NCKAP5: variants seen among roughly 807,000 people sequenced by gnomAD.
The protein encoded by NCKAP5 is NCK associated protein 5.
Under a neutral mutation model 167.0 loss-of-function variants are expected in NCKAP5, and 92 were observed. The ratio of observed to expected loss-of-function variants is 0.55; its 90% CI spans 0.47 to 0.66. The LOEUF is 0.66. Among genes scored for constraint, NCKAP5 ranks in the 30% least tolerant of loss-of-function variants. The pLI, the probability that NCKAP5 is intolerant of heterozygous loss-of-function variation, is 0.00. For missense variants in NCKAP5, 2,378 were observed against 2,315.0 expected, an observed-to-expected ratio of 1.03 and a Z score of -0.56; for synonymous variants, 891 against 877.4, an observed-to-expected ratio of 1.02 and a Z score of -0.27.
chr2:133,068,824 T>C (rs997872693), intron 6 of NCKAP5, among the ~76,000 whole-genome samples: 3 of 152,194 alleles, frequency 2.0e-5, no homozygotes, highest in African/African-American at 7.2e-5. Context: ...AGAATATATA[T>C]AGCCAGGAAA....
chr2:132,752,777 A>G (rs995691085), intron 16 of NCKAP5, among the ~76,000 whole-genome samples: 2 of 152,216 alleles, frequency 1.3e-5, no homozygotes, highest in Non-Finnish European at 2.9e-5. Flanking sequence ...CAAGATCTTC[A>G]GGGTAAGCCA....
intron 10 of NCKAP5, among the ~76,000 whole-genome samples, chr2:132,865,368 A>G (rs556301798): frequency 6.6e-6 from 1 of 152,280 alleles, no homozygotes; most frequent in Admixed American, 6.5e-5. Context: ...CAGTCACTTG[A>G]GCCCATTACC....
intron 3 of NCKAP5, among the ~76,000 whole-genome samples, chr2:133,480,297 G>A (rs1387496225): frequency 2.0e-5 from 3 of 151,976 alleles, no homozygotes; most frequent in Non-Finnish European, 2.9e-5. Context: ...AGACTGAGTG[G>A]ATATGAGTAC....
chr2:133,287,050 T>C (rs566927155), intron 4 of NCKAP5, among the ~76,000 whole-genome samples: 33 of 152,340 alleles, frequency 2.2e-4, no homozygotes, highest in Non-Finnish European at 3.8e-4. Context: ...GAACTCACTA[T>C]CTCAAGAATA....
chr2:132,734,058 C>T (rs1005137007), intron 16 of NCKAP5, among the ~76,000 whole-genome samples: 7 of 152,214 alleles, frequency 4.6e-5, no homozygotes, highest in African/African-American at 1.7e-4. Context: ...AAGTGCTTTT[C>T]TTTCCCAGGA....
chr2:133,492,191 A>G (rs1681524296), intron 3 of NCKAP5, among the ~76,000 whole-genome samples: 1 of 99,010 alleles, frequency 1.0e-5, no homozygotes, highest in African/African-American at 3.8e-5. Context: ...CTTGTCACCA[A>G]AGAAGCTCCC....
the NCKAP5 span, among the ~76,000 whole-genome samples, chr2:133,643,073 T>C: frequency 6.6e-6 from 1 of 152,216 alleles, no homozygotes; most frequent in Non-Finnish European, 1.5e-5. Flanking sequence ...AAGGAATTTA[T>C]TTTGTTGAAA....
rs1559371090 is a variant in NCKAP5, at chr2:133,308,686, A to AT, written c.70-5577dup. On this transcript the variant is annotated intron_variant, in intron 3 of 19. Transcript: ENST00000409261. ...TGCTTTTTTCGTTTGAAGAAATACA[A>AT]TTCTTTTTTTTTTTTTTTTTTTTTT... Among the ~76,000 whole-genome samples, 95 of 118,788 alleles carry AT rather than the reference A, an allele frequency of 8.0e-4. 2 individuals are homozygous for AT. The highest frequency in any genetic ancestry group is 2.9e-3 in the African/African-American group (93 of 32,284). The allele number at this position is 118,788 out of a possible 152,430, so 77.9% of individuals were successfully genotyped here.
chr2:132,953,653 A>G (rs1420044728), intron 8 of NCKAP5, among the ~76,000 whole-genome samples: 1 of 147,872 alleles, frequency 6.8e-6, no homozygotes, highest in East Asian at 1.9e-4. Flanking sequence ...ACAGGCAGAC[A>G]GAGAGAGAGA....
chr2:133,099,661 T>C (rs1475871590), intron 6 of NCKAP5, among the ~76,000 whole-genome samples: 2 of 152,148 alleles, frequency 1.3e-5, no homozygotes, highest in Admixed American at 1.3e-4. Flanking sequence ...TAGTACTATA[T>C]TCTCAAAAAA....
chr2:132,782,955 G>T lies in NCKAP5; in HGVS notation c.3856C>A (p.Pro1286Thr), dbSNP rs750398056. The T allele has an allele frequency of 2.5e-6, 4 of 1,614,006 alleles. No individual in the cohort carries two copies. Among genetic ancestry groups the T allele is most frequent in the Non-Finnish European group, 3.4e-6 (4 of 1,179,882 alleles). Residue 1286 changes from proline to threonine, a missense_variant, in exon 14 of 20, where the codon CCT (proline) becomes ACT (threonine). This residue lies in a region of NCKAP5 where 1,325 missense variants were observed against 1,274.5 expected (regional missense o/e 1.04). Transcript: ENST00000409261. ...HSFSTHSGDKPSTPPIEGSGK... is the reference protein window; with the variant it reads ...HSFSTHSGDKTSTPPIEGSGK... ...GACCCTTCGATGGGGGGCGTAGAAG[G>T]CTTGTCTCCTGAGTGTGTACTGAAG... is the stretch of plus-strand genomic sequence containing the variant.
Position 132,820,386 on chromosome 2 carries a change from C to A in NCKAP5, c.808-23657G>T, listed in dbSNP as rs550068877. On this transcript the variant is annotated intron_variant, in intron 11 of 19. Transcript: ENST00000409261. Reference sequence around the variant, plus strand: ...CTGGGACTACAGGTGCCCGCCACCACGCCCAGCTAATTTTTGTATTTTTAG... The same window carrying A: ...CTGGGACTACAGGTGCCCGCCACCAAGCCCAGCTAATTTTTGTATTTTTAG... 1.2e-4 allele frequency among the ~76,000 whole-genome samples: 18 copies of A among 151,900 alleles called. No individual in the cohort carries two copies. In the South Asian group the frequency reaches 3.8e-3, roughly 32 times the overall value.
At chr2:133,572,388 T>C (rs1205579356), upstream of NCKAP5, among the ~76,000 whole-genome samples, 1 of 152,162 alleles carries the variant, frequency 6.6e-6, no homozygotes, top group African/African-American at 2.4e-5. Context: ...GCCCCTCTGC[T>C]TAGCTCTTCC....
At chr2:132,692,856 A>G (rs1345784298) in intron 19 of NCKAP5, among the ~76,000 whole-genome samples, 1 of 152,200 alleles carries the variant, frequency 6.6e-6, no homozygotes, top group Non-Finnish European at 1.5e-5. Flanking sequence ...CATCTCTGCT[A>G]TCTTTCTTTC....
At chr2:133,262,922 C>A (rs886309636) in intron 4 of NCKAP5, among the ~76,000 whole-genome samples, 3 of 152,108 alleles carry the variant, frequency 2.0e-5, no homozygotes, top group African/African-American at 7.2e-5. Flanking sequence ...CCCCTGAGCC[C>A]GGATGATGTT....
At chr2:132,884,590 A>G (rs1300460371) in intron 8 of NCKAP5, among the ~76,000 whole-genome samples, 1 of 152,216 alleles carries the variant, frequency 6.6e-6, no homozygotes, top group Non-Finnish European at 1.5e-5. Flanking sequence ...TTTCCAGTTC[A>G]AATATTTGGA....
rs181338216 is a variant in NCKAP5, at chr2:132,763,419, G to A, written c.5128+10397C>T. ...TCATGTGGTTTCTCTTGACTTCAAGGACATCTTTCCTTTTCTGATGAGATT... is the reference window on the plus strand; with the variant it reads ...TCATGTGGTTTCTCTTGACTTCAAGAACATCTTTCCTTTTCTGATGAGATT... On this transcript the variant is annotated intron_variant, in intron 16 of 19. Coordinates refer to ENST00000409261, the MANE Select transcript of NCKAP5 (RefSeq NM_207363.3). 4.6e-5 allele frequency among the ~76,000 whole-genome samples: 7 copies of A among 152,252 alleles called. No individual in the cohort carries two copies. The East Asian group carries it at 1.4e-3, about 29-fold the overall frequency.
rs1388777889 is a variant in NCKAP5 at position 132,872,951 on chromosome 2, T to C, written c.649-3977A>G. ...ATAGGGGAGCTGCCTACCTCTAAAG[T>C]TGTGAAAAAGGCATGAGATGATAGA... On this transcript the variant is annotated intron_variant, in intron 9 of 19. Transcript: ENST00000409261. Among the ~76,000 whole-genome samples the C allele has an allele frequency of 2.0e-5, 3 of 152,138 alleles. 1 individual carries two copies. Among genetic ancestry groups the C allele is most frequent in the East Asian group, 3.9e-4 (2 of 5,162 alleles).
At chr2:132,853,289 C>A (rs1839001) in intron 11 of NCKAP5, among the ~76,000 whole-genome samples, 25,996 of 152,170 alleles carry the variant, frequency 0.17, 2,533 homozygotes, top group East Asian at 0.3. Context: ...TAGCTTCTTA[C>A]AATTTTCAAA....
Sources: gnomAD v4.1 joint callset for allele counts (sites outside exome capture counted in the v4.1 genomes callset) on GRCh38, gnomAD v4.1.1 for gene constraint, gnomAD v4.1.1 regional missense constraint, MANE v1.5 for transcripts, NCBI Gene and HGNC (gene_info 2026-07-23, HGNC 2026-07-21) for gene names.